Variants in UTP4 observed in about 807,000 individuals in gnomAD.
UTP4 encodes UTP4 small subunit processome component, also known as U3 small nucleolar RNA-associated protein 4 homolog.
Under a neutral mutation model 82.4 loss-of-function variants are expected in UTP4, and 45 were observed. That is an observed-to-expected ratio of 0.55 (90% CI 0.43 to 0.70). The LOEUF (loss-of-function observed/expected upper bound fraction) is 0.70. Among genes scored for constraint, UTP4 ranks in the 30% least tolerant of loss-of-function variants. The pLI is 0.00. For synonymous variants in UTP4, 348 were observed against 300.3 expected (o/e 1.16, Z -1.64); for missense variants, 819 against 858.3 (o/e 0.95, Z 0.57).
intron 6 of UTP4, among the ~76,000 whole-genome samples, chr16:69,148,751 G>A (rs59249692): frequency 0.05 from 7,610 of 151,728 alleles, 620 homozygotes; most frequent in African/African-American, 0.17. Flanking sequence ...TGGGACTACA[G>A]GCATGCACCA....
At position 69,157,221 on chromosome 16, in the gene UTP4, T is replaced by C. The variant is rs1265407202; in HGVS notation, c.1425T>C (p.His475=). Residue 475 remains histidine (H), a synonymous_variant, in exon 12 of 17, where the codon CAT becomes CAC. Transcript: ENST00000314423. The stretch of plus-strand genomic sequence containing the variant: ...CAGGAGGAAGCTTCAAGCACCTGCA[T>C]GCTTTCCAGCCTCAGTCAGGTGGGA... ...QLSGGSFKHL[H]AFQPQSGTVE... is the part of the protein sequence containing the mutation. The C allele has an allele frequency of 1.2e-6, 2 of 1,614,050 alleles. No homozygotes were observed. The highest frequency in any genetic ancestry group is 1.3e-5 in the African/African-American group (1 of 74,948).
Position 69,157,238 on chromosome 16 carries a change from C to T in UTP4, c.1442C>T (p.Ser481Leu), listed in dbSNP as rs769242921. ...CACCTGCATGCTTTCCAGCCTCAGT[C>T]AGGTGGGAATCTGGTAACTGGCCAT... is the stretch of plus-strand genomic sequence containing the variant. ...FKHLHAFQPQ[S>L]GTVEAMCLLA... Residue 481 changes from serine (S) to leucine (L), a missense_variant and splice_region_variant, in exon 12 of 17, where the codon TCA becomes TTA. Ser to Leu is a moderately radical substitution (Grantham distance 145). Coordinates refer to ENST00000314423, the MANE Select transcript of UTP4 (RefSeq NM_032830.3). 6.2e-7 allele frequency: 1 copy of T among 1,613,948 alleles called. No homozygotes were observed. The highest frequency in any genetic ancestry group is 8.5e-7 in the Non-Finnish European group (1 of 1,179,974).
At chr16:69,145,143 A>AAATAAC (rs1217745682) in intron 6 of UTP4, among the ~76,000 whole-genome samples, 6 of 150,614 alleles carry the variant, frequency 4.0e-5, no homozygotes, top group African/African-American at 1.2e-4. Flanking sequence ...ACTCCATCTC[A>AAATAAC]AATAACAATA....
At chr16:69,160,860 T>TA (rs1282537747) in intron 13 of UTP4, among the ~76,000 whole-genome samples, 2 of 152,102 alleles carry the variant, frequency 1.3e-5, no homozygotes, top group Non-Finnish European at 1.5e-5. Flanking sequence ...CCTCCCAAAG[T>TA]GCTAGGATTA....
At chr16:69,152,464 C>CTTTTTTTTTTT (rs58914042) in intron 8 of UTP4, among the ~76,000 whole-genome samples, 1 of 107,140 alleles carries the variant, frequency 9.3e-6, no homozygotes, top group African/African-American at 3.4e-5. Context: ...TTCTGTTTTT[C>CTTTTTTTTTTT]TTTTTTTTTT....
Position 69,147,143 on chromosome 16 carries a change from C to T in UTP4, c.739-3394C>T, listed in dbSNP as rs377572254. ...AGTGAGCTGAGATCGTGCCATTGCA[C>T]TCCAGCCTGGTCAACAGAGTGCAAC... On this transcript the variant is annotated intron_variant, in intron 6 of 16. Coordinates refer to ENST00000314423, the MANE Select transcript of UTP4 (RefSeq NM_032830.3). Among the ~76,000 whole-genome samples the T allele has an allele frequency of 1.1e-4, 17 of 148,646 alleles. No individual in the cohort carries two copies. The East Asian group carries it at 2.9e-3, about 26-fold the overall frequency.
intron 12 of UTP4, among the ~76,000 whole-genome samples, chr16:69,158,639 C>G (rs1963484534): frequency 6.6e-6 from 1 of 152,166 alleles, no homozygotes; most frequent in South Asian, 2.1e-4. Context: ...AGATTCGACT[C>G]TACATTATGT....
chr16:69,141,996 AC>A (rs1276307349), intron 5 of UTP4: 1 of 86,404 alleles, frequency 1.2e-5, no homozygotes, highest in Non-Finnish European at 2.2e-5. Flanking sequence ...CCCTCCCCTC[AC>A]CCCGAAACTC....
At position 69,139,853 on chromosome 16, in the gene UTP4, C is replaced by T. The variant is rs535751187; in HGVS notation, c.465C>T (p.Pro155=). The change falls in exon 5 of 17, where the codon CCC becomes CCT. Residue 155 remains proline, a synonymous_variant. Transcript: ENST00000314423. Reference sequence around the variant, plus strand: ...GCATCCTGAGTCTCAGCTGGCATCCCTCTGGTACCCACATTGCAGCTGGTT... The same window carrying T: ...GCATCCTGAGTCTCAGCTGGCATCCTTCTGGTACCCACATTGCAGCTGGTT... ...KSRILSLSWH[P]SGTHIAAGSI... 145 of 1,613,910 alleles carry T rather than the reference C, an allele frequency of 9.0e-5. No individual in the cohort carries two copies. Among genetic ancestry groups the T allele is most frequent in the Non-Finnish European group, 1.2e-4 (139 of 1,179,854 alleles).
Position 69,160,583 on chromosome 16 carries a change from AT to A in UTP4, c.1551+125del, listed in dbSNP as rs1963539178. ...AAATTTATTAGACTTTTTTCTTTTTATTTTCTTTTCTTTTCTTTTTTTTTTT... is the reference window on the plus strand; with the variant it reads ...AAATTTATTAGACTTTTTTCTTTTTATTTCTTTTCTTTTCTTTTTTTTTTT... On this transcript the variant is annotated intron_variant, in intron 13 of 16. Transcript: ENST00000314423. 3 of 687,360 alleles carry A rather than the reference AT, an allele frequency of 4.4e-6. No homozygotes were observed. In the Admixed American group the frequency reaches 8.1e-5, roughly 19 times the overall value. The allele number at this position is 687,360 out of a possible 1,614,324, so 42.6% of individuals were successfully genotyped here.
In UTP4 at chr16:69,155,973, G is replaced by C. The variant is rs371653724; in HGVS notation, c.1267G>C (p.Asp423His). Residue 423 changes from aspartate (D) to histidine (H), a missense_variant, in exon 11 of 17, where the codon GAC becomes CAC. Asp to His is a moderately conservative substitution (Grantham distance 81, BLOSUM62 -1). Coordinates refer to ENST00000314423, the MANE Select transcript of UTP4 (RefSeq NM_032830.3). ...TCTCTATCGGCTGAATTATGAACAT[G>C]ACAACATAAGCCTCAAAAGGGTAAG... ...FFLYRLNYEH[D>H]NISLKRVSKM... The C allele has an allele frequency of 2.5e-6, 4 of 1,613,940 alleles. No homozygotes were observed. The highest frequency in any genetic ancestry group is 1.3e-5 in the African/African-American group (1 of 74,880).
At chr16:69,167,008 A>G (rs909388788) in intron 15 of UTP4, 67 bp from the exon 16 acceptor site, 11 of 1,061,578 alleles carry the variant, frequency 1.0e-5, no homozygotes, top group Non-Finnish European at 1.5e-5. Flanking sequence ...AAAATGCACT[A>G]CAGATCTTTG....
At chr16:69,135,188 C>T (rs953210443) in intron 2 of UTP4, among the ~76,000 whole-genome samples, 3 of 152,140 alleles carry the variant, frequency 2.0e-5, no homozygotes, top group Non-Finnish European at 2.9e-5. Flanking sequence ...GCATTCCCAC[C>T]ATTTATCAAG....
intron 10 of UTP4, among the ~76,000 whole-genome samples, chr16:69,155,615 A>T (rs1026956603): frequency 1.3e-5 from 2 of 152,208 alleles, no homozygotes; most frequent in Non-Finnish European, 2.9e-5. Flanking sequence ...GGGGTCTAGT[A>T]TGAGGCTATC....
rs781261871 is a variant in UTP4, at chr16:69,150,643, C to T, written c.845C>T (p.Pro282Leu). The T allele has an allele frequency of 1.7e-5, 28 of 1,614,080 alleles. No individual in the cohort carries two copies. Among genetic ancestry groups the T allele is most frequent in the South Asian group, 3.3e-5 (3 of 91,076 alleles). ...GAGAAGCAGTGGGTGCGGACAAAACCGTTCCAGCATCACACTCATGACGTG... is the reference window on the plus strand; with the variant it reads ...GAGAAGCAGTGGGTGCGGACAAAACTGTTCCAGCATCACACTCATGACGTG... ...SSEKQWVRTK[P>L]FQHHTHDVRT... Residue 282 changes from proline (P) to leucine (L), a missense_variant, in exon 7 of 17, where the codon CCG becomes CTG. Transcript: ENST00000314423.
intron 5 of UTP4, 152 bp from the exon 6 acceptor site, chr16:69,143,026 G>T: frequency 1.3e-6 from 1 of 768,394 alleles, no homozygotes. Context: ...AGGCGGGTTT[G>T]TTATGTTGTT....
intron 12 of UTP4, among the ~76,000 whole-genome samples, chr16:69,159,560 C>T (rs1408367234): frequency 7.9e-5 from 12 of 151,784 alleles, no homozygotes; most frequent in African/African-American, 2.4e-4. Flanking sequence ...TGGTGGTGCA[C>T]GCCTGTAGTC....
At chr16:69,167,595 C>CA (rs1409665074) in intron 16 of UTP4, 1 of 175,794 alleles carries the variant, frequency 5.7e-6, no homozygotes, top group Non-Finnish European at 1.2e-5. Flanking sequence ...CCCAGGAATT[C>CA]AAAACCAGCC....
At chr16:69,134,534 G>A (rs987293563) in intron 2 of UTP4, among the ~76,000 whole-genome samples, 1 of 151,120 alleles carries the variant, frequency 6.6e-6, no homozygotes, top group Non-Finnish European at 1.5e-5. Flanking sequence ...TCCCTGAGAG[G>A]TGGGTTTAGG....
Sources: gnomAD v4.1 joint callset for allele counts (sites outside exome capture counted in the v4.1 genomes callset) on GRCh38, gnomAD v4.1.1 for gene constraint, MANE v1.5 for transcripts, NCBI Gene and HGNC (gene_info 2026-07-23, HGNC 2026-07-21) for gene names.